UQCC1: variants seen among roughly 807,000 people sequenced by gnomAD.
The protein encoded by UQCC1 is bFGF-repressed Zic-binding protein.
UQCC1 carries 38 observed loss-of-function variants against 48.0 expected under a neutral mutation model. The observed-to-expected ratio is 0.79, with a 90% CI of 0.61 to 1.04. The LOEUF is 1.04. Ranked by LOEUF, UQCC1 falls within the 50% of genes least tolerant of loss-of-function variation. The probability of loss-of-function intolerance (pLI) is 0.00; values close to 1 mark genes in which losing one functional copy is unlikely to be tolerated. For synonymous variants in UQCC1, 111 were observed against 129.2 expected, an observed-to-expected ratio of 0.86 and a Z score of 0.95; for missense variants, 368 against 381.8, an observed-to-expected ratio of 0.96 and a Z score of 0.30.
rs935862497 is a variant in UQCC1 at position 35,394,328 on chromosome 20, G to A, written c.25-132C>T. ...GCCTTCATCTCTAGTTCCTGGCACA[G>A]AGCTCCTAAAACCCTTGGAATTTCT... On this transcript the variant is annotated intron_variant, in intron 1 of 9. Transcript: ENST00000374385. 24 of 780,794 alleles carry A rather than the reference G, an allele frequency of 3.1e-5. No homozygotes were observed. The Admixed American group carries it at 4.4e-4, about 14-fold the overall frequency. The allele number at this position is 780,794 out of a possible 1,614,324, so 48.4% of individuals were successfully genotyped here. A position where few individuals can be genotyped will look rare whatever the true frequency, so the allele number is the denominator to read the frequency against.
At chr20:35,327,888 G>A (rs997725081) in intron 7 of UQCC1, among the ~76,000 whole-genome samples, 3 of 151,904 alleles carry the variant, frequency 2.0e-5, no homozygotes, top group African/African-American at 7.3e-5. Flanking sequence ...TGTAGTCCCA[G>A]CTACTAGGGA....
intron 7 of UQCC1, among the ~76,000 whole-genome samples, chr20:35,332,372 G>GA (rs1368038050): frequency 6.6e-6 from 1 of 152,242 alleles, no homozygotes; most frequent in Non-Finnish European, 1.5e-5. Flanking sequence ...GGTAAGTACT[G>GA]AAAATGGAAC....
At chr20:35,304,977 C>T (rs1376326625) in intron 9 of UQCC1, among the ~76,000 whole-genome samples, 3 of 152,226 alleles carry the variant, frequency 2.0e-5, no homozygotes, top group African/African-American at 7.2e-5. Flanking sequence ...CACCCCTCTG[C>T]CCACCTCCTG....
chr20:35,402,842 G>A (rs1292716599), intron 1 of UQCC1, among the ~76,000 whole-genome samples: 1 of 151,678 alleles, frequency 6.6e-6, no homozygotes, highest in South Asian at 2.1e-4. Flanking sequence ...GAGGCAGGCG[G>A]ACTGCCTGAG....
chr20:35,314,883 C>T (rs2061040233), intron 7 of UQCC1, 118 bp from the exon 8 acceptor site: 3 of 670,722 alleles, frequency 4.5e-6, no homozygotes, highest in Non-Finnish European at 7.1e-6. Context: ...CGGCCACTAA[C>T]AAGTCAAGCT....
chr20:35,399,495 T>C (rs6088820), intron 1 of UQCC1, among the ~76,000 whole-genome samples: 84,788 of 151,850 alleles, frequency 0.56, 24,402 homozygotes, highest in East Asian at 0.72. Context: ...CATGCTAATT[T>C]CCTTGTAGTA....
intron 8 of UQCC1, among the ~76,000 whole-genome samples, chr20:35,308,875 C>T (rs755906241): frequency 2.0e-5 from 3 of 152,064 alleles, no homozygotes; most frequent in Non-Finnish European, 4.4e-5. Context: ...CCATCACACC[C>T]GGCTAATTTT....
chr20:35,410,704 C>CAAAAAAAAAAAAAAA (rs1183843739), intron 1 of UQCC1, among the ~76,000 whole-genome samples: 1 of 2,710 alleles, frequency 3.7e-4, no homozygotes, highest in Non-Finnish European at 6.5e-4. Context: ...GACTCTGCCT[C>CAAAAAAAAAAAAAAA]AAAAAAAAAA....
In UQCC1 at chr20:35,304,991, T is replaced by G. The variant is rs143827662; in HGVS notation, c.766-922A>C. Among the ~76,000 whole-genome samples the G allele has an allele frequency of 2.1e-3, 318 of 152,262 alleles. 1 individual carries two copies. Among genetic ancestry groups the G allele is most frequent in the Middle Eastern group, 3.4e-3 (1 of 294 alleles). ...CCACCCCTCTGCCCACCTCCTGGGT[T>G]GAAAATCTCAACAGAACCTCTGGTT... is the stretch of plus-strand genomic sequence containing the variant. On this transcript the variant is annotated intron_variant, in intron 9 of 9. Transcript: ENST00000374385.
intron 2 of UQCC1, among the ~76,000 whole-genome samples, chr20:35,389,919 CAG>C (rs1415559089): frequency 6.6e-6 from 1 of 152,114 alleles, no homozygotes; most frequent in Non-Finnish European, 1.5e-5. Context: ...GTGCAAGAGA[CAG>C]AAGGAACCCA....
intron 2 of UQCC1, among the ~76,000 whole-genome samples, chr20:35,389,701 G>GTTCCATTTATTAAC (rs2061990553): frequency 2.0e-5 from 3 of 152,156 alleles, no homozygotes; most frequent in Non-Finnish European, 4.4e-5. Context: ...TCTTACAACA[G>GTTCCATTTATTAAC]AGTTCCAGTT....
intron 4 of UQCC1, among the ~76,000 whole-genome samples, chr20:35,380,711 AATATTCCAGCAAC>A (rs2061855601): frequency 6.6e-6 from 1 of 152,206 alleles, no homozygotes; most frequent in Non-Finnish European, 1.5e-5. Context: ...AGGCTTACCC[AATATTCCAGCAAC>A]CCTGAAAGGC....
chr20:35,385,364 C>T (rs2061929188), intron 2 of UQCC1, among the ~76,000 whole-genome samples: 1 of 152,118 alleles, frequency 6.6e-6, no homozygotes, highest in Non-Finnish European at 1.5e-5. Flanking sequence ...AATAAAATAG[C>T]CGTTATTATG....
intron 4 of UQCC1, 93 bp from the exon 5 acceptor site, chr20:35,374,349 A>G (rs2061771418): frequency 2.0e-6 from 2 of 991,532 alleles, no homozygotes; most frequent in Non-Finnish European, 1.5e-6. Context: ...TATTTCTTCA[A>G]CTAGAAGGAA....
chr20:35,319,288 T>TGTCACCTC (rs2061096350), intron 7 of UQCC1, among the ~76,000 whole-genome samples: 1 of 152,162 alleles, frequency 6.6e-6, no homozygotes, highest in Admixed American at 6.5e-5. Flanking sequence ...TAAACTATGA[T>TGTCACCTC]GTCACCTCTA....
chr20:35,356,564 A>G (rs2061549609), intron 6 of UQCC1, among the ~76,000 whole-genome samples: 1 of 145,102 alleles, frequency 6.9e-6, no homozygotes, highest in Non-Finnish European at 1.5e-5. Context: ...AATTTTTACA[A>G]CAACTCCATG....
At chr20:35,366,354 A>G (rs2061666155) in intron 6 of UQCC1, among the ~76,000 whole-genome samples, 1 of 152,214 alleles carries the variant, frequency 6.6e-6, no homozygotes, top group South Asian at 2.1e-4. Flanking sequence ...AAAATCCTAC[A>G]AATATTAGTT....
chr20:35,392,152 C>T (rs986482579), intron 2 of UQCC1: 2 of 1,001,560 alleles, frequency 2.0e-6, no homozygotes, highest in Admixed American at 2.3e-5. Context: ...GAAAACGCAG[C>T]TCACACATCC....
intron 7 of UQCC1, among the ~76,000 whole-genome samples, chr20:35,336,663 A>T (rs2061319666): frequency 1.3e-5 from 2 of 152,120 alleles, no homozygotes; most frequent in Admixed American, 1.3e-4. Context: ...GGCCTCCGGT[A>T]CTGTAAGAGA....
Sources: gnomAD v4.1 joint callset for allele counts (sites outside exome capture counted in the v4.1 genomes callset) on GRCh38, gnomAD v4.1.1 for gene constraint, MANE v1.5 for transcripts, NCBI Gene and HGNC (gene_info 2026-07-23, HGNC 2026-07-21) for gene names.